Variants in TBC1D15 observed in about 807,000 individuals in gnomAD.
TBC1D15 encodes the protein TBC1 domain family member 15.
A neutral mutation model predicts 95.4 loss-of-function variants in TBC1D15; 39 were observed. That is an observed-to-expected ratio of 0.41 (90% CI 0.32 to 0.53). The LOEUF (loss-of-function observed/expected upper bound fraction) is 0.53. Among genes scored for constraint, TBC1D15 ranks in the 20% least tolerant of loss-of-function variants. The pLI, the probability that TBC1D15 is intolerant of heterozygous loss-of-function variation, is 0.29. For synonymous variants in TBC1D15, 258 were observed against 261.3 expected (o/e 0.99, Z 0.12); for missense variants, 733 against 794.3 (o/e 0.92, Z 0.93).
chr12:71,880,933 A>G (rs1244448655), intron 4 of TBC1D15, among the ~76,000 whole-genome samples: 3 of 152,230 alleles, frequency 2.0e-5, no homozygotes, highest in African/African-American at 7.2e-5. Flanking sequence ...ATTTTATCCT[A>G]AAGTAACAGA....
chr12:71,884,746 G>C, intron 4 of TBC1D15, 65 bp from the exon 5 acceptor site: 6 of 1,483,224 alleles, frequency 4.0e-6, no homozygotes, highest in Non-Finnish European at 5.6e-6. Flanking sequence ...CAGTCATGGA[G>C]AGCACTGTCA....
rs74458828 is a variant in TBC1D15 at position 71,891,669 on chromosome 12, T to G, written c.555-1553T>G. Among the ~76,000 whole-genome samples, 474 of 152,238 alleles carry G rather than the reference T, an allele frequency of 3.1e-3. 2 individuals carry two copies. Among genetic ancestry groups the G allele is most frequent in the African/African-American group, 0.011 (454 of 41,552 alleles). On this transcript the variant is annotated intron_variant, in intron 5 of 16. Transcript: ENST00000485960. ...AATTTCTTCATATCTTCCCTCCTTC[T>G]TAGAGCTTCCTCCACCCTCCATCAC...
rs201234090 is a variant in TBC1D15 at position 71,888,871 on chromosome 12, C to T, written c.554+3850C>T. Among the ~76,000 whole-genome samples, 145 of 117,536 alleles carry T rather than the reference C, an allele frequency of 1.2e-3. 1 individual carries two copies. In the East Asian group the frequency reaches 0.027, roughly 22 times the overall value. 77.1% of individuals were successfully genotyped at this position (117,536 alleles called of 152,430 possible). ...TTTTTTTTTTTTTTTTCATTTAATTCAAGTATTTTTTTTTGAATGCCTACT... is the reference window on the plus strand; with the variant it reads ...TTTTTTTTTTTTTTTTCATTTAATTTAAGTATTTTTTTTTGAATGCCTACT... On this transcript the variant is annotated intron_variant, in intron 5 of 16. Transcript: ENST00000485960.
intron 1 of TBC1D15, among the ~76,000 whole-genome samples, chr12:71,846,143 G>C (rs1257879447): frequency 1.3e-5 from 2 of 152,162 alleles, no homozygotes; most frequent in African/African-American, 4.8e-5. Flanking sequence ...TAAAATGTTT[G>C]CTGTGGTCAC....
At chr12:71,847,323 G>C (rs1190906307) in intron 1 of TBC1D15, among the ~76,000 whole-genome samples, 1 of 151,852 alleles carries the variant, frequency 6.6e-6, no homozygotes, top group Non-Finnish European at 1.5e-5. Flanking sequence ...CTCTGTTTTT[G>C]TATGGCTTTC....
At chr12:71,914,016 A>T (rs775874088) in intron 12 of TBC1D15, 90 bp downstream of exon 12, 12 of 943,254 alleles carry the variant, frequency 1.3e-5, no homozygotes, top group Admixed American at 3.1e-5. Flanking sequence ...TATTTAGCCA[A>T]CTATGATGGA....
rs542649539 is a variant in TBC1D15 at position 71,841,732 on chromosome 12, C to G, written c.30+1921C>G. ...CTTGGCTGATTTTACTCCTTTTCTA[C>G]AGTCTCTGCCCTTAATCTTCTCTAC... On this transcript the variant is annotated intron_variant, in intron 1 of 16. Coordinates refer to ENST00000485960, the MANE Select transcript of TBC1D15 (RefSeq NM_001146213.3). 5.9e-5 allele frequency among the ~76,000 whole-genome samples: 9 copies of G among 152,270 alleles called. No individual in the cohort carries two copies. The South Asian group carries it at 1.9e-3, about 32-fold the overall frequency.
chr12:71,907,356 T>C (rs1900980489), intron 11 of TBC1D15: 1 of 335,680 alleles, frequency 3.0e-6, no homozygotes, highest in East Asian at 5.0e-5. Context: ...ATTTAAAATT[T>C]TTAAGGGAAT....
At chr12:71,921,279 G>T in intron 15 of TBC1D15, 89 bp from the exon 16 acceptor site, 1 of 600,772 alleles carries the variant, frequency 1.7e-6, no homozygotes, top group South Asian at 5.1e-5. Flanking sequence ...TATCTGCAGT[G>T]AAATATAACT....
rs1022165470 is a variant in TBC1D15 at position 71,857,269 on chromosome 12, G to A, written c.31-14801G>A. ...CTGCCCAGAACCTTTTAATTTTTGC[G>A]TTAGAGATCATGAATAAAACTAGAG... is the stretch of plus-strand genomic sequence containing the variant. On this transcript the variant is annotated intron_variant, in intron 1 of 16. Transcript: ENST00000485960. Among the ~76,000 whole-genome samples the A allele has an allele frequency of 9.2e-5, 14 of 151,864 alleles. 1 individual carries two copies. Among genetic ancestry groups the A allele is most frequent in the South Asian group, 8.3e-4 (4 of 4,824 alleles).
intron 12 of TBC1D15, among the ~76,000 whole-genome samples, chr12:71,916,996 C>G (rs1566077092): frequency 6.6e-6 from 1 of 152,090 alleles, no homozygotes; most frequent in East Asian, 1.9e-4. Context: ...ACAACACATT[C>G]TACCTTAACA....
chr12:71,850,063 C>T lies in TBC1D15; in HGVS notation c.30+10252C>T, dbSNP rs117731189. The T allele has an allele frequency of 2.6e-4, 135 of 518,984 alleles. 1 individual carries two copies. Among genetic ancestry groups the T allele is most frequent in the Admixed American group, 1.1e-3 (46 of 40,286 alleles). 32.1% of individuals were successfully genotyped at this position (518,984 alleles called of 1,614,324 possible). Reference sequence around the variant, plus strand: ...TGAAGAGAGTTCCCGGAACAGCCATCGCTGTGAGTTTAAATTATGATAATC... The same window carrying T: ...TGAAGAGAGTTCCCGGAACAGCCATTGCTGTGAGTTTAAATTATGATAATC... On this transcript the variant is annotated intron_variant, in intron 1 of 16. Coordinates refer to ENST00000485960, the MANE Select transcript of TBC1D15 (RefSeq NM_001146213.3).
At chr12:71,894,218 A>T in intron 6 of TBC1D15, 1 of 868,694 alleles carries the variant, frequency 1.2e-6, no homozygotes. Flanking sequence ...ATTAGATTAA[A>T]ATGTCAACTA....
chr12:71,840,178 C>T (rs1884582293), intron 1 of TBC1D15, among the ~76,000 whole-genome samples: 1 of 152,206 alleles, frequency 6.6e-6, no homozygotes, highest in Non-Finnish European at 1.5e-5. Context: ...AGCGTCTTTT[C>T]TCTCTTTGAA....
intron 10 of TBC1D15, among the ~76,000 whole-genome samples, chr12:71,898,293 A>G (rs183412741): frequency 1.3e-5 from 2 of 152,150 alleles, no homozygotes; most frequent in East Asian, 1.9e-4. Context: ...TTAACTGTAG[A>G]TGAGCAAAAA....
chr12:71,909,099 C>G (rs1901535795), intron 11 of TBC1D15, among the ~76,000 whole-genome samples: 1 of 152,146 alleles, frequency 6.6e-6, no homozygotes, highest in Non-Finnish European at 1.5e-5. Flanking sequence ...AGGACATTGT[C>G]CCAAACCAGC....
rs546997181 is a variant in TBC1D15, at chr12:71,867,286, T to C, written c.31-4784T>C. On this transcript the variant is annotated intron_variant, in intron 1 of 16. Transcript: ENST00000485960. ...TGTGGAAATTTTCTGGTAGTTTCTT[T>C]AGGCAATAACAGTTATGATTTAATG... Among the ~76,000 whole-genome samples, 37 of 152,372 alleles carry C rather than the reference T, an allele frequency of 2.4e-4. 2 individuals are homozygous for C. In the South Asian group the frequency reaches 7.5e-3, roughly 31 times the overall value.
At position 71,872,994 on chromosome 12, in the gene TBC1D15, T is replaced by C. The variant is rs1893011301; in HGVS notation, c.195T>C (p.Tyr65=). 1.9e-6 allele frequency: 3 copies of C among 1,606,074 alleles called. No individual in the cohort carries two copies. The highest frequency in any genetic ancestry group is 2.5e-6 in the Non-Finnish European group (3 of 1,176,906). ...CATTAGATTCCTCTAGTATTCTCTA[T>C]GCTAGAAAGGTATTTAAGAAAAAAA... The part of the protein sequence containing the change: ...DDALDSSSIL[Y]ARKDSSSVVE... Residue 65 remains tyrosine, a synonymous_variant, in exon 3 of 17, where the codon TAT becomes TAC. Coordinates refer to ENST00000485960, the MANE Select transcript of TBC1D15 (RefSeq NM_001146213.3).
intron 9 of TBC1D15, 41 bp downstream of exon 9, chr12:71,896,821 G>A (rs1431239127): frequency 3.3e-6 from 5 of 1,505,464 alleles, no homozygotes; most frequent in East Asian, 2.3e-5. Context: ...AGAGATTCAA[G>A]TAACCCACTC....
Sources: allele counts gnomAD v4.1 joint callset (sites outside exome capture counted in the v4.1 genomes callset), GRCh38; gene constraint gnomAD v4.1.1; transcripts MANE v1.5; gene names NCBI Gene and HGNC (gene_info 2026-07-23, HGNC 2026-07-21).